The following TRAPPC9 variants were observed in gnomAD, a reference collection of about 807,000 sequenced individuals.
The protein encoded by TRAPPC9 is IKK2 binding protein.
A neutral mutation model predicts 124.0 loss-of-function variants in TRAPPC9; 83 were observed. The observed-to-expected ratio is 0.67, with a 90% CI of 0.56 to 0.80. TRAPPC9 has a LOEUF of 0.80. TRAPPC9 is among the 30% of genes least tolerant of loss of function. TRAPPC9 has a pLI of 0.00. For missense variants in TRAPPC9, 1,302 were observed against 1,508.3 expected, an observed-to-expected ratio of 0.86 and a Z score of 2.27; for synonymous variants, 638 against 617.5, an observed-to-expected ratio of 1.03 and a Z score of -0.49.
chr8:140,370,845 A>T, intron 8 of TRAPPC9, 119 bp downstream of exon 8: 3 of 1,098,286 alleles, frequency 2.7e-6, no homozygotes, highest in Non-Finnish European at 4.1e-6. Context: ...GCAGGGATCT[A>T]GTCATTCTGG....
At chr8:140,384,498 A>C (rs1479420198) in intron 7 of TRAPPC9, among the ~76,000 whole-genome samples, 1 of 152,232 alleles carries the variant, frequency 6.6e-6, no homozygotes. Context: ...AAAAAAAGGC[A>C]GGGGTTGCAA....
At chr8:140,439,445 G>A (rs1222043012) in intron 2 of TRAPPC9, among the ~76,000 whole-genome samples, 3 of 152,170 alleles carry the variant, frequency 2.0e-5, no homozygotes, top group Admixed American at 6.5e-5. Context: ...TGTCTTTCAC[G>A]TAGGCAATGT....
At chr8:139,768,975 G>A (rs758340267) in intron 21 of TRAPPC9, among the ~76,000 whole-genome samples, 10 of 152,196 alleles carry the variant, frequency 6.6e-5, no homozygotes, top group Middle Eastern at 3.2e-3. Context: ...GAAGGCAGTC[G>A]TCTACAGGCC....
At chr8:140,383,820 A>G (rs1453102387) in intron 7 of TRAPPC9, among the ~76,000 whole-genome samples, 1 of 152,182 alleles carries the variant, frequency 6.6e-6, no homozygotes, top group African/African-American at 2.4e-5. Context: ...GAACACCACA[A>G]AGATACTCCT....
rs947988097 is a variant in TRAPPC9 at position 140,318,750 on chromosome 8, C to T, written c.1496-7376G>A. Reference sequence around the variant, plus strand: ...TATAGTATTCCATTGTGTGTACATACCACATTTTCTTTATGCATTCATCTG... The same window carrying T: ...TATAGTATTCCATTGTGTGTACATATCACATTTTCTTTATGCATTCATCTG... On this transcript the variant is annotated intron_variant, in intron 9 of 22. Coordinates refer to ENST00000438773, the MANE Select transcript of TRAPPC9 (RefSeq NM_001160372.4). 2.6e-5 allele frequency among the ~76,000 whole-genome samples: 4 copies of T among 152,178 alleles called. No individual in the cohort carries two copies. In the East Asian group the frequency reaches 5.8e-4, roughly 22 times the overall value.
At chr8:139,871,596 C>T (rs571073732) in intron 21 of TRAPPC9, among the ~76,000 whole-genome samples, 1 of 152,312 alleles carries the variant, frequency 6.6e-6, no homozygotes, top group East Asian at 1.9e-4. Flanking sequence ...GTCCCATTCC[C>T]CCACAGGAAT....
chr8:140,221,840 G>C (rs971442023), intron 16 of TRAPPC9, among the ~76,000 whole-genome samples: 4 of 152,156 alleles, frequency 2.6e-5, no homozygotes, highest in African/African-American at 4.8e-5. Context: ...GTTTCACCAC[G>C]TTGCCCAGGC....
At chr8:140,031,377 TC>T in intron 17 of TRAPPC9, among the ~76,000 whole-genome samples, 2 of 152,334 alleles carry the variant, frequency 1.3e-5, no homozygotes, top group Middle Eastern at 6.8e-3. Context: ...TTCCTAACGT[TC>T]CACAACTTCT....
chr8:139,773,956 G>A (rs753314542), intron 21 of TRAPPC9, among the ~76,000 whole-genome samples: 1 of 152,248 alleles, frequency 6.6e-6, no homozygotes. Context: ...TCCCACGTGG[G>A]ACAGCGGTCG....
rs73359134 is a variant in TRAPPC9, at chr8:140,057,640, T to C, written c.2557-33561A>G. Among the ~76,000 whole-genome samples, 256 of 152,244 alleles carry C rather than the reference T, an allele frequency of 1.7e-3. 2 individuals are homozygous for C. Among genetic ancestry groups the C allele is most frequent in the Middle Eastern group, 0.01 (3 of 294 alleles). ...TAGTTAAGGGATGTGGTCAAACTCA[T>C]AGATGCAGGAAGTCACATGGTGGTT... On this transcript the variant is annotated intron_variant, in intron 17 of 22. Coordinates refer to ENST00000438773, the MANE Select transcript of TRAPPC9 (RefSeq NM_001160372.4).
At chr8:140,033,679 T>TTG (rs1840677029) in intron 17 of TRAPPC9, among the ~76,000 whole-genome samples, 1 of 113,702 alleles carries the variant, frequency 8.8e-6, no homozygotes. Flanking sequence ...TTTTTTTTTT[T>TTG]TTTTTTTTTT....
At chr8:139,793,774 T>A (rs1822863897) in intron 21 of TRAPPC9, among the ~76,000 whole-genome samples, 1 of 152,102 alleles carries the variant, frequency 6.6e-6, no homozygotes, top group Non-Finnish European at 1.5e-5. Flanking sequence ...GAGACCCAGA[T>A]CCACATCCAA....
chr8:140,451,462 G>A, intron 1 of TRAPPC9, 79 bp from the exon 2 acceptor site: 3 of 1,200,612 alleles, frequency 2.5e-6, no homozygotes, highest in South Asian at 1.3e-5. Flanking sequence ...CAGTGACTGT[G>A]ACCTTCACTA....
chr8:140,379,176 C>T (rs533304839), intron 7 of TRAPPC9, among the ~76,000 whole-genome samples: 42 of 152,072 alleles, frequency 2.8e-4, no homozygotes, highest in East Asian at 9.7e-4. Context: ...AGGGCCTGCC[C>T]GGTGCTGGTT....
At chr8:140,275,636 C>A in intron 15 of TRAPPC9, 22 bp downstream of exon 15, 2 of 1,612,898 alleles carry the variant, frequency 1.2e-6, no homozygotes, top group South Asian at 2.2e-5. Context: ...TTCCCAGGGT[C>A]AAAGCTGCTT....
intron 17 of TRAPPC9, among the ~76,000 whole-genome samples, chr8:140,173,972 C>T (rs1247806360): frequency 6.6e-6 from 1 of 152,066 alleles, no homozygotes; most frequent in Non-Finnish European, 1.5e-5. Flanking sequence ...ATGGCAAATA[C>T]CAAGTGCCTA....
intron 9 of TRAPPC9, among the ~76,000 whole-genome samples, chr8:140,329,782 T>C (rs1369666805): frequency 6.6e-6 from 1 of 152,156 alleles, no homozygotes; most frequent in Non-Finnish European, 1.5e-5. Context: ...AGCTAAATTA[T>C]ATTCAAACTC....
At chr8:139,862,044 G>A (rs1828199900) in intron 21 of TRAPPC9, among the ~76,000 whole-genome samples, 1 of 152,216 alleles carries the variant, frequency 6.6e-6, no homozygotes, top group Non-Finnish European at 1.5e-5. Context: ...CCTTTGCTAG[G>A]CAGATACAAT....
At chr8:140,458,539 C>T, upstream of TRAPPC9, 1 of 1,581,634 alleles carries the variant, frequency 6.3e-7, no homozygotes, top group Non-Finnish European at 8.6e-7. Flanking sequence ...GTGTGGCGCG[C>T]GGTCTTGATC....
Sources: allele counts gnomAD v4.1 joint callset (sites outside exome capture counted in the v4.1 genomes callset), GRCh38; gene constraint gnomAD v4.1.1; transcripts MANE v1.5; gene names NCBI Gene and HGNC (gene_info 2026-07-23, HGNC 2026-07-21).